The following ELOB variants were observed in gnomAD, a reference collection of about 807,000 sequenced individuals.
ELOB encodes the protein elongin-B.
A neutral mutation model predicts 12.9 loss-of-function variants in ELOB; 3 were observed. The observed-to-expected ratio is 0.23, with a 90% confidence interval of 0.11 to 0.60. The LOEUF is 0.60. Among genes scored for constraint, ELOB ranks in the 20% least tolerant of loss-of-function variants. The probability of loss-of-function intolerance (pLI) is 0.89; values close to 1 mark genes in which losing one functional copy is unlikely to be tolerated. For missense variants in ELOB, 126 were observed against 159.2 expected (o/e 0.79, Z 1.12); for synonymous variants, 84 against 67.4 (o/e 1.25, Z -1.21).
intron 3 of ELOB, among the ~76,000 whole-genome samples, chr16:2,773,890 C>T (rs1403650948): frequency 1.3e-5 from 2 of 152,320 alleles, no homozygotes; most frequent in Non-Finnish European, 2.9e-5. Flanking sequence ...CTTCGGTTCA[C>T]GAAGCAGACC....
rs2150782986 is a variant in ELOB, at chr16:2,771,707, C to T, written c.*283G>A. 1.9e-6 allele frequency: 3 copies of T among 1,573,116 alleles called. No individual in the cohort carries two copies. The highest frequency in any genetic ancestry group is 4.6e-4 in the Middle Eastern group (2 of 4,320). ...TGTGTCTCTCCCAGTCCTTCCCTTT[C>T]CTCCCCCTGGCGTGGTTGGTGTGGC... On this transcript the variant is annotated 3_prime_UTR_variant, in exon 4 of 4. Coordinates refer to ENST00000409906, the MANE Select transcript of ELOB (RefSeq NM_007108.4).
At chr16:2,775,699 T>A in intron 2 of ELOB, 143 bp from the exon 3 acceptor site, 1 of 577,236 alleles carries the variant, frequency 1.7e-6, no homozygotes, top group Non-Finnish European at 3.0e-6. Flanking sequence ...GCTTGACAAA[T>A]ACACAGATTC....
At position 2,775,416 on chromosome 16, in the gene ELOB, C is replaced by G. The variant is rs765255438; in HGVS notation, c.244+35G>C. The G allele has an allele frequency of 9.9e-6, 15 of 1,512,154 alleles. No individual in the cohort carries two copies. The African/African-American group carries it at 1.5e-4, about 15-fold the overall frequency. The allele number at this position is 1,512,154 out of a possible 1,614,324, so 93.7% of individuals were successfully genotyped here. ...GGAACAGTGTTCCCAACCTGCTTGGCTACCACCCAGCCCAGTGGGTGGTGG... is the reference window on the plus strand; with the variant it reads ...GGAACAGTGTTCCCAACCTGCTTGGGTACCACCCAGCCCAGTGGGTGGTGG... On this transcript the variant is annotated intron_variant, in intron 3 of 3. Transcript: ENST00000409906.
At chr16:2,775,990 A>G (rs1305923246) in intron 2 of ELOB, among the ~76,000 whole-genome samples, 1 of 152,186 alleles carries the variant, frequency 6.6e-6, no homozygotes, top group East Asian at 1.9e-4. Context: ...TCCTGGGCTC[A>G]AGCAATTCTC....
intron 3 of ELOB, among the ~76,000 whole-genome samples, chr16:2,774,538 AT>A (rs1166834053): frequency 2.0e-5 from 3 of 152,228 alleles, no homozygotes; most frequent in African/African-American, 7.2e-5. Flanking sequence ...GCCTGAACTT[AT>A]GGAACGGAAA....
At position 2,771,643 on chromosome 16, in the gene ELOB, A is replaced by C. The variant is rs974310000; in HGVS notation, c.*347T>G. 1.9e-6 allele frequency: 3 copies of C among 1,612,906 alleles called. No individual in the cohort carries two copies. The highest frequency in any genetic ancestry group is 2.5e-6 in the Non-Finnish European group (3 of 1,179,694). Reference sequence around the variant, plus strand: ...GGGCACTTAGAAGGAGAAAGGCCTAAAACTGGAATCTCTTGTCCCTGAGGC... The same window carrying C: ...GGGCACTTAGAAGGAGAAAGGCCTACAACTGGAATCTCTTGTCCCTGAGGC... On this transcript the variant is annotated 3_prime_UTR_variant, in exon 4 of 4. Coordinates refer to ENST00000409906, the MANE Select transcript of ELOB (RefSeq NM_007108.4).
At chr16:2,774,988 T>G (rs569934379) in intron 3 of ELOB, among the ~76,000 whole-genome samples, 1 of 152,296 alleles carries the variant, frequency 6.6e-6, no homozygotes, top group African/African-American at 2.4e-5. Flanking sequence ...ATACATAGCA[T>G]AGAGCCTGGT....
At chr16:2,772,172 C>A in intron 3 of ELOB, 70 bp from the exon 4 acceptor site, 11 of 1,479,420 alleles carry the variant, frequency 7.4e-6, no homozygotes, top group Non-Finnish European at 9.9e-6. Context: ...TTGGTGTTCA[C>A]GTGTGATCAT....
intron 3 of ELOB, among the ~76,000 whole-genome samples, chr16:2,773,722 A>G (rs2068782841): frequency 6.6e-6 from 1 of 152,158 alleles, no homozygotes; most frequent in Non-Finnish European, 1.5e-5. Flanking sequence ...ATTCCATGCC[A>G]TATTAGGGGT....
chr16:2,773,959 G>C (rs548362659), intron 3 of ELOB, among the ~76,000 whole-genome samples: 1 of 152,206 alleles, frequency 6.6e-6, no homozygotes, highest in African/African-American at 2.4e-5. Context: ...GCCAGGCACC[G>C]AGGCTCAGGC....
At chr16:2,775,631 C>A (rs780915754) in intron 2 of ELOB, 75 bp from the exon 3 acceptor site, 1 of 1,233,508 alleles carries the variant, frequency 8.1e-7, no homozygotes, top group Non-Finnish European at 1.1e-6. Context: ...AGCAACTACA[C>A]GGGAAGTCAG....
chr16:2,774,626 C>A (rs1242167305), intron 3 of ELOB, among the ~76,000 whole-genome samples: 1 of 152,248 alleles, frequency 6.6e-6, no homozygotes, highest in Admixed American at 6.5e-5. Flanking sequence ...GAATTCCTTA[C>A]AACTTTATCC....
rs144947952 is a variant in ELOB, at chr16:2,775,802, G to T, written c.139-246C>A. On this transcript the variant is annotated intron_variant, in intron 2 of 3. Transcript: ENST00000409906. The stretch of plus-strand genomic sequence containing the variant: ...CAAATTCTCCAGGCAAATCTAATTT[G>T]AGGAGCCACTGAGCTATCTGGAGAT... Among the ~76,000 whole-genome samples the T allele has an allele frequency of 3.2e-4, 48 of 152,354 alleles. 1 individual carries two copies. The highest frequency in any genetic ancestry group is 6.8e-3 in the Middle Eastern group (2 of 294).
At chr16:2,772,990 A>C (rs950227581) in intron 3 of ELOB, among the ~76,000 whole-genome samples, 1 of 152,212 alleles carries the variant, frequency 6.6e-6, no homozygotes, top group South Asian at 2.1e-4. Flanking sequence ...CGCACCCCCA[A>C]AAGTCAAGAC....
At chr16:2,775,581 G>C (rs1354143062) in intron 2 of ELOB, 25 bp from the exon 3 acceptor site, 1 of 1,596,344 alleles carries the variant, frequency 6.3e-7, no homozygotes, top group Non-Finnish European at 8.5e-7. Context: ...AGGATCTTGG[G>C]AGAGGCCCTA....
intron 2 of ELOB, 137 bp from the exon 3 acceptor site, chr16:2,775,693 G>A (rs535009215): frequency 1.0e-4 from 62 of 592,608 alleles, no homozygotes; most frequent in African/African-American, 9.4e-4. Flanking sequence ...CACGCTGCTT[G>A]ACAAATACAC....
chr16:2,771,691 C>G lies in ELOB; in HGVS notation c.*299G>C. 1 of 1,585,462 alleles carries G rather than the reference C, an allele frequency of 6.3e-7. No homozygotes were observed. The highest frequency in any genetic ancestry group is 8.6e-7 in the Non-Finnish European group (1 of 1,166,446). On this transcript the variant is annotated 3_prime_UTR_variant, in exon 4 of 4. Transcript: ENST00000409906. ...GGCTGGCTCTGGTCTTTGTGTCTCTCCCAGTCCTTCCCTTTCCTCCCCCTG... is the reference window on the plus strand; with the variant it reads ...GGCTGGCTCTGGTCTTTGTGTCTCTGCCAGTCCTTCCCTTTCCTCCCCCTG...
In ELOB at chr16:2,772,028, C is replaced by G; in HGVS notation, c.319G>C (p.Asp107His). ...TGTTCATTGGCACTGCTTCCCGAGT[C>G]CTGGGGCTTCATCACATCGGGCAGC... is the stretch of plus-strand genomic sequence containing the variant. ...PELPDVMKPQDSGSSANEQAV... is the reference protein window; with the variant it reads ...PELPDVMKPQHSGSSANEQAV... Residue 107 changes from aspartate (D) to histidine (H), a missense_variant, in exon 4 of 4, where the codon GAC becomes CAC. By Grantham distance (81) the Asp-to-His change is moderately conservative (BLOSUM62 -1). Coordinates refer to ENST00000409906, the MANE Select transcript of ELOB (RefSeq NM_007108.4). 1 of 1,613,430 alleles carries G rather than the reference C, an allele frequency of 6.2e-7. No individual in the cohort carries two copies. Among genetic ancestry groups the G allele is most frequent in the Non-Finnish European group, 8.5e-7 (1 of 1,179,720 alleles).
In ELOB at chr16:2,771,538, C is replaced by T. The variant is rs2068748197; in HGVS notation, c.*452G>A. ...GGGGTTCCCTCGTTGAACATGCTGT[C>T]AAACCAGGACACTGGCTCCAGCTTG... is the stretch of plus-strand genomic sequence containing the variant. On this transcript the variant is annotated 3_prime_UTR_variant, in exon 4 of 4. Transcript: ENST00000409906. The T allele has an allele frequency of 1.2e-6, 2 of 1,614,176 alleles. No individual in the cohort carries two copies. The highest frequency in any genetic ancestry group is 1.7e-6 in the Non-Finnish European group (2 of 1,180,046).
Sources: gnomAD v4.1 joint callset for allele counts (sites outside exome capture counted in the v4.1 genomes callset) on GRCh38, gnomAD v4.1.1 for gene constraint, MANE v1.5 for transcripts, NCBI Gene and HGNC (gene_info 2026-07-23, HGNC 2026-07-21) for gene names.